The following ZSWIM4 variants were observed in gnomAD, a reference collection of about 807,000 sequenced individuals.
ZSWIM4 encodes the protein zinc finger SWIM-type containing 4.
A neutral mutation model predicts 102.5 loss-of-function variants in ZSWIM4; 62 were observed. The ratio of observed to expected loss-of-function variants is 0.60; its 90% CI spans 0.49 to 0.75. The LOEUF is 0.75. Ranked by LOEUF, ZSWIM4 falls within the 30% of genes least tolerant of loss-of-function variation. The probability of loss-of-function intolerance (pLI) is 0.00; values close to 1 mark genes in which losing one functional copy is unlikely to be tolerated. For synonymous variants in ZSWIM4, 652 were observed against 674.5 expected (o/e 0.97, Z 0.52); for missense variants, 1,280 against 1,529.6 (o/e 0.84, Z 2.72).
At chr19:13,808,741 A>AG in intron 3 of ZSWIM4, 95 bp from the exon 4 acceptor site, 2 of 109,454 alleles carry the variant, frequency 1.8e-5, no homozygotes, top group Non-Finnish European at 3.1e-5. Flanking sequence ...CTCCGTCTCC[A>AG]AAAAAAAAAA....
chr19:13,797,884 C>T (rs1479874400), intron 1 of ZSWIM4, among the ~76,000 whole-genome samples: 2 of 152,158 alleles, frequency 1.3e-5, no homozygotes, highest in Non-Finnish European at 2.9e-5. Flanking sequence ...AACTCCTGAC[C>T]TCAAGTGATC....
Position 13,831,310 on chromosome 19 carries a change from C to G in ZSWIM4, c.*260C>G, listed in dbSNP as rs1381826168. ...TGTGCTTGGGCTGCTGGTATGACCC[C>G]ACTTTGGGCACCCCAAAAGCAATAG... On this transcript the variant is annotated 3_prime_UTR_variant, in exon 14 of 14. Transcript: ENST00000590508. The G allele has an allele frequency of 9.0e-6, 4 of 446,636 alleles. No individual in the cohort carries two copies. The South Asian group carries it at 1.6e-4, about 18-fold the overall frequency. 27.7% of individuals were successfully genotyped at this position (446,636 alleles called of 1,614,324 possible).
At chr19:13,806,142 A>G (rs1286267073) in intron 3 of ZSWIM4, among the ~76,000 whole-genome samples, 1 of 151,094 alleles carries the variant, frequency 6.6e-6, no homozygotes, top group Non-Finnish European at 1.5e-5. Flanking sequence ...TCCTGGGTTC[A>G]AGCAATTCTC....
chr19:13,804,660 AT>A, intron 2 of ZSWIM4, 131 bp from the exon 3 acceptor site: 1 of 726,508 alleles, frequency 1.4e-6, no homozygotes, highest in Middle Eastern at 4.0e-4. Flanking sequence ...AAAAAAAAAA[AT>A]GCAAAGTGAG....
In ZSWIM4 at chr19:13,817,737, A is replaced by T; in HGVS notation, c.1685A>T (p.Lys562Met). The change falls in exon 9 of 14, where the codon AAG (lysine) becomes ATG (methionine). Residue 562 changes from lysine (K) to methionine (M), a missense_variant. Coordinates refer to ENST00000590508, the MANE Select transcript of ZSWIM4 (RefSeq NM_001367834.3). The stretch of plus-strand genomic sequence containing the variant: ...TCTCCCCCAGACTCAGGCCCCGAGA[A>T]GCGGAAGGTGGCCTACCAGCACGTG... ...LTLYPDSGPE[K>M]RKVAYQHVPV... 1 of 1,607,998 alleles carries T rather than the reference A, an allele frequency of 6.2e-7. No homozygotes were observed. Among genetic ancestry groups the T allele is most frequent in the Non-Finnish European group, 8.5e-7 (1 of 1,178,028 alleles).
chr19:13,809,758 G>T lies in ZSWIM4; in HGVS notation c.1012+538G>T, dbSNP rs911527142. On this transcript the variant is annotated intron_variant, in intron 5 of 13. Transcript: ENST00000590508. This position sits in a 1 kb window ranked among gnomAD's most constrained non-coding sequence, Gnocchi z 4.2. Reference sequence around the variant, plus strand: ...GCCTCCCAAAGTACTGAGATGACATGCATGAGCCACCACACCCAGCCTACA... The same window carrying T: ...GCCTCCCAAAGTACTGAGATGACATTCATGAGCCACCACACCCAGCCTACA... Among the ~76,000 whole-genome samples the T allele has an allele frequency of 8.5e-5, 13 of 152,100 alleles. No homozygotes were observed. The highest frequency in any genetic ancestry group is 3.1e-4 in the African/African-American group (13 of 41,404).
chr19:13,810,761 C>G (rs965826951), intron 5 of ZSWIM4, among the ~76,000 whole-genome samples: 1 of 151,684 alleles, frequency 6.6e-6, no homozygotes, highest in Non-Finnish European at 1.5e-5. Flanking sequence ...AGAGGCCCAC[C>G]ACCACGCCCG....
intron 13 of ZSWIM4, 67 bp from the exon 14 acceptor site, chr19:13,830,124 C>T (rs1234472917): frequency 5.8e-6 from 9 of 1,548,426 alleles, no homozygotes; most frequent in African/African-American, 1.3e-5. Context: ...TCATGGTTAA[C>T]CCACGCATAC....
At position 13,804,965 on chromosome 19, in the gene ZSWIM4, C is replaced by A. The variant is rs1474973020; in HGVS notation, c.529C>A (p.Arg177=). ...GGTGGCCCTGTCCCTGTACCGCATT[C>A]GGCACGCCCACCAGGTGGAGCTGCG... ...HVVALSLYRI[R]HAHQVELRLP... The change falls in exon 3 of 14, where the codon CGG becomes AGG. Residue 177 remains arginine (R), a synonymous_variant. Coordinates refer to ENST00000590508, the MANE Select transcript of ZSWIM4 (RefSeq NM_001367834.3). 5 of 1,613,096 alleles carry A rather than the reference C, an allele frequency of 3.1e-6. No homozygotes were observed. The highest frequency in any genetic ancestry group is 4.2e-6 in the Non-Finnish European group (5 of 1,180,036).
chr19:13,817,224 C>T lies in ZSWIM4; in HGVS notation c.1540C>T (p.Gln514Ter). The stretch of plus-strand genomic sequence containing the variant: ...CCTCTTTCCACCTGCAGAGCTGCTC[C>T]AGAAGGGCTCCACCTGCATCACCAA... ...SYKQQKKELL[Q>*]KGSTCITNTE... The change falls in exon 8 of 14, where the codon CAG becomes TAG. Residue 514 changes from glutamine (Q) to a stop codon, truncating the protein, a stop_gained. Coordinates refer to ENST00000590508, the MANE Select transcript of ZSWIM4 (RefSeq NM_001367834.3). LOFTEE classifies it high-confidence loss of function. 1 of 1,612,480 alleles carries T rather than the reference C, an allele frequency of 6.2e-7. No individual in the cohort carries two copies.
chr19:13,823,501 G>A lies in ZSWIM4; in HGVS notation c.2215+1G>A. 6.4e-7 allele frequency: 1 copy of A among 1,564,616 alleles called. No individual in the cohort carries two copies. Among genetic ancestry groups the A allele is most frequent in the Non-Finnish European group, 8.7e-7 (1 of 1,154,158 alleles). On this transcript the variant is annotated splice_donor_variant, in intron 11 of 13. Coordinates refer to ENST00000590508, the MANE Select transcript of ZSWIM4 (RefSeq NM_001367834.3). LOFTEE classifies it high-confidence loss of function. ...TCCACCATGTTGACGGCCGCCAAGGGTGAGGCTGGCAGCTGTCCCGATTCC... is the reference window on the plus strand; with the variant it reads ...TCCACCATGTTGACGGCCGCCAAGGATGAGGCTGGCAGCTGTCCCGATTCC...
In ZSWIM4 at chr19:13,804,899, TGCGGCTGTGACAACC is replaced by T; in HGVS notation, c.467_481del (p.Gly156_Arg160del). ...TCGCTGCAAGATCACGTCCGTGAGC[TGCGGCTGTGACAACC>T]GCGACCTCTTCTACTGTGCCCACGT... is the stretch of plus-strand genomic sequence containing the variant. On this transcript the variant is annotated inframe_deletion, in exon 3 of 14. Transcript: ENST00000590508. 1 of 1,613,638 alleles carries T rather than the reference TGCGGCTGTGACAACC, an allele frequency of 6.2e-7. No individual in the cohort carries two copies. The highest frequency in any genetic ancestry group is 8.5e-7 in the Non-Finnish European group (1 of 1,180,016).
At position 13,805,023 on chromosome 19, in the gene ZSWIM4, A is replaced by C. The variant is rs752078090; in HGVS notation, c.587A>C (p.Asn196Thr). The change falls in exon 3 of 14, where the codon AAC becomes ACC. Residue 196 changes from asparagine (N) to threonine (T), a missense_variant. Asn to Thr is a moderately conservative substitution (Grantham distance 65). Coordinates refer to ENST00000590508, the MANE Select transcript of ZSWIM4 (RefSeq NM_001367834.3). ...ATCTCCGAGACGCTCTCCCAGATGA[A>C]CCGGGACCAGCTGCAGAAGTTCGTG... ...LPISETLSQM[N>T]RDQLQKFVQY... The C allele has an allele frequency of 2.5e-6, 4 of 1,611,992 alleles. No homozygotes were observed. In the Admixed American group the frequency reaches 6.7e-5, roughly 27 times the overall value.
At chr19:13,811,257 C>A (rs532047211) in intron 5 of ZSWIM4, among the ~76,000 whole-genome samples, 28 of 152,222 alleles carry the variant, frequency 1.8e-4, no homozygotes, top group Middle Eastern at 3.4e-3. Context: ...TTATTCAGCC[C>A]TGCAGGCCAT....
intron 3 of ZSWIM4, among the ~76,000 whole-genome samples, chr19:13,808,588 A>T (rs1042483178): frequency 1.3e-5 from 2 of 151,906 alleles, no homozygotes; most frequent in Non-Finnish European, 2.9e-5. Flanking sequence ...ATACAAAAAA[A>T]ATTGGCAAAG....
chr19:13,816,836 C>G (rs1000944952), intron 7 of ZSWIM4, among the ~76,000 whole-genome samples: 2 of 152,074 alleles, frequency 1.3e-5, no homozygotes, highest in African/African-American at 4.8e-5. Flanking sequence ...CTTGGGGGCC[C>G]TAAAGGCTGT....
intron 2 of ZSWIM4, among the ~76,000 whole-genome samples, chr19:13,803,806 G>GAAA (rs36078549): frequency 0.47 from 31,768 of 67,040 alleles, 8,008 homozygotes; most frequent in African/African-American, 0.75. Flanking sequence ...CTCTGTCTCA[G>GAAA]AAAAAAAAAA....
chr19:13,800,065 A>AGTTTTTTTTTTTTTTTTT (rs779215714), intron 2 of ZSWIM4, 144 bp downstream of exon 2: 1 of 334,366 alleles, frequency 3.0e-6, no homozygotes, highest in African/African-American at 4.7e-5. Context: ...ATTGTACAAG[A>AGTTTTTTTTTTTTTTTTT]TTTTTTTTTT....
intron 8 of ZSWIM4, 146 bp from the exon 9 acceptor site, chr19:13,817,576 G>C: frequency 8.8e-7 from 1 of 1,132,138 alleles, no homozygotes; most frequent in East Asian, 2.6e-5. Context: ...GGGCTCCCGC[G>C]CTCCCCCAAC....
Sources: gnomAD v4.1 joint callset for allele counts (sites outside exome capture counted in the v4.1 genomes callset) on GRCh38, gnomAD v4.1.1 for gene constraint, Gnocchi (gnomAD v3.1) non-coding constraint, MANE v1.5 for transcripts, NCBI Gene and HGNC (gene_info 2026-07-23, HGNC 2026-07-21) for gene names.